ADAM2: variants seen among roughly 807,000 people sequenced by gnomAD.
ADAM2 encodes ADAM metallopeptidase domain 2.
ADAM2 carries 101 observed loss-of-function variants against 99.3 expected under a neutral mutation model. That is an observed-to-expected ratio of 1.02 (90% confidence interval 0.87 to 1.20). The LOEUF (loss-of-function observed/expected upper bound fraction) is 1.20, where lower values mean the gene tolerates loss of function less well. Ranked by LOEUF, ADAM2 falls within the 50% of genes most tolerant of loss-of-function variation. The pLI is 0.00. For missense variants in ADAM2, 948 were observed against 878.7 expected, an observed-to-expected ratio of 1.08 and a Z score of -1.00; for synonymous variants, 323 against 287.6, an observed-to-expected ratio of 1.12 and a Z score of -1.25.
chr8:39,746,665 A>G (rs1035209294), intron 18 of ADAM2, 34 bp from the exon 19 acceptor site: 3 of 1,512,314 alleles, frequency 2.0e-6, no homozygotes, highest in African/African-American at 2.9e-5. Context: ...TTTGAAAGCA[A>G]GCACCAGAAA....
chr8:39,797,605 G>A (rs530130521), intron 7 of ADAM2, among the ~76,000 whole-genome samples: 4 of 152,286 alleles, frequency 2.6e-5, no homozygotes, highest in South Asian at 4.1e-4. Flanking sequence ...GTAGTTTTAT[G>A]TGAATAGTAT....
At chr8:39,817,434 A>G (rs754645296) in intron 6 of ADAM2, among the ~76,000 whole-genome samples, 7 of 152,160 alleles carry the variant, frequency 4.6e-5, no homozygotes, top group Non-Finnish European at 1.0e-4. Context: ...CCATAGGGTG[A>G]CTATAGTTAA....
intron 16 of ADAM2, among the ~76,000 whole-genome samples, chr8:39,751,669 A>G (rs911139542): frequency 6.6e-6 from 1 of 152,184 alleles, no homozygotes; most frequent in African/African-American, 2.4e-5. Flanking sequence ...CATAAAAAAA[A>G]CAATTCTTTT....
intron 6 of ADAM2, among the ~76,000 whole-genome samples, chr8:39,819,325 TA>T (rs556996153): frequency 8.5e-5 from 13 of 152,210 alleles, no homozygotes; most frequent in South Asian, 4.1e-4. Context: ...GATATTGATA[TA>T]AAAAAATTTG....
In ADAM2 at chr8:39,773,021, CAAAG is replaced by C. The variant is rs559088936; in HGVS notation, c.1029-3450_1029-3447del. ...GGAATCAATTTGAAAAAATGAAAAA[CAAAG>C]AAAGACAAAACTAAACACAATTATT... On this transcript the variant is annotated intron_variant, in intron 11 of 20. Transcript: ENST00000265708. Among the ~76,000 whole-genome samples, 750 of 151,686 alleles carry C rather than the reference CAAAG, an allele frequency of 4.9e-3. 3 individuals carry two copies. The highest frequency in any genetic ancestry group is 0.017 in the African/African-American group (715 of 41,466).
intron 7 of ADAM2, among the ~76,000 whole-genome samples, chr8:39,804,248 A>G (rs982539591): frequency 1.3e-5 from 2 of 152,124 alleles, no homozygotes; most frequent in African/African-American, 4.8e-5. Flanking sequence ...AAATTATTTG[A>G]TGACTTGGAT....
intron 15 of ADAM2, among the ~76,000 whole-genome samples, chr8:39,756,264 C>A (rs987288468): frequency 6.6e-6 from 1 of 152,086 alleles, no homozygotes; most frequent in Non-Finnish European, 1.5e-5. Flanking sequence ...CAAACCCAAG[C>A]TCAAATGAAT....
intron 6 of ADAM2, among the ~76,000 whole-genome samples, 156 bp from the exon 7 acceptor site, chr8:39,809,622 A>T (rs1172522442): frequency 6.6e-6 from 1 of 152,142 alleles, no homozygotes; most frequent in African/African-American, 2.4e-5. Context: ...TCATAAAATC[A>T]TTTTCATCTA....
intron 10 of ADAM2, among the ~76,000 whole-genome samples, chr8:39,785,796 T>TAAAAAAAAAAAA (rs58429092): frequency 8.2e-6 from 1 of 122,498 alleles, no homozygotes. Flanking sequence ...CTGTCTCAAA[T>TAAAAAAAAAAAA]AAAAAAAAAA....
intron 6 of ADAM2, among the ~76,000 whole-genome samples, chr8:39,809,990 A>T (rs1804626204): frequency 6.6e-6 from 1 of 152,230 alleles, no homozygotes; most frequent in South Asian, 2.1e-4. Context: ...AGACTGGAAA[A>T]ATTGGATAAA....
At position 39,749,376 on chromosome 8, in the gene ADAM2, T is replaced by C; in HGVS notation, c.1950A>G (p.Leu650=). 4 of 1,613,538 alleles carry C rather than the reference T, an allele frequency of 2.5e-6. No homozygotes were observed. The highest frequency in any genetic ancestry group is 1.7e-5 in the Admixed American group (1 of 59,960). Residue 650 remains leucine (L), a synonymous_variant, in exon 18 of 21, where the codon CTA becomes CTG. Transcript: ENST00000265708. ...CACTGTCAATACTCCCACCAGGCCA[T>C]AGATCTGATTGAACTGAGCAATCTG... The part of the protein sequence containing the change: ...LPPDCSVQSD[L]WPGGSIDSGN...
chr8:39,787,854 G>T (rs1803539599), intron 9 of ADAM2, among the ~76,000 whole-genome samples: 1 of 151,496 alleles, frequency 6.6e-6, no homozygotes, highest in African/African-American at 2.4e-5. Context: ...ATATACCCTA[G>T]GGAAAGAAGT....
chr8:39,833,472 A>G (rs1015491098), intron 3 of ADAM2, among the ~76,000 whole-genome samples: 3 of 152,046 alleles, frequency 2.0e-5, no homozygotes, highest in African/African-American at 2.4e-5. Context: ...CCCCAAATTC[A>G]TCAACTGGCC....
chr8:39,765,154 G>A (rs1802521833), intron 14 of ADAM2, among the ~76,000 whole-genome samples: 1 of 152,156 alleles, frequency 6.6e-6, no homozygotes, highest in Admixed American at 6.5e-5. Flanking sequence ...TCCTGAACAA[G>A]CAGGAAGTGA....
Position 39,777,118 on chromosome 8 carries a change from G to A in ADAM2, c.935C>T (p.Ala312Val), listed in dbSNP as rs1434205674. 6.2e-7 allele frequency: 1 copy of A among 1,610,624 alleles called. No homozygotes were observed. Among genetic ancestry groups the A allele is most frequent in the African/African-American group, 1.3e-5 (1 of 74,760 alleles). Residue 312 changes from alanine to valine, a missense_variant, in exon 11 of 21, where the codon GCT (alanine) becomes GTT (valine). Coordinates refer to ENST00000265708, the MANE Select transcript of ADAM2 (RefSeq NM_001464.5). Reference protein sequence around the residue: ...ISLESLAVILAQLLSLSMGIT... With the variant: ...ISLESLAVILVQLLSLSMGIT... ...CCCCATACTAAGGCTCAATAATTGA[G>A]CTAAAATAACTGCAAGTGATTCCAG...
intron 10 of ADAM2, among the ~76,000 whole-genome samples, chr8:39,784,608 G>A (rs766483429): frequency 1.1e-4 from 17 of 152,142 alleles, no homozygotes; most frequent in Non-Finnish European, 1.9e-4. Flanking sequence ...CCGCCCTGTA[G>A]AGAAAATCAG....
Position 39,806,422 on chromosome 8 carries a change from T to C in ADAM2, c.570+2988A>G, listed in dbSNP as rs1462938720. Among the ~76,000 whole-genome samples the C allele has an allele frequency of 6.0e-5, 9 of 150,572 alleles. No individual in the cohort carries two copies. The East Asian group carries it at 1.4e-3, about 23-fold the overall frequency. ...TTCAGAATTGCCCAACTATATTATATTAAAAATGTCCCGTTTTCAACAAAG... is the reference window on the plus strand; with the variant it reads ...TTCAGAATTGCCCAACTATATTATACTAAAAATGTCCCGTTTTCAACAAAG... On this transcript the variant is annotated intron_variant, in intron 7 of 20. Transcript: ENST00000265708.
At chr8:39,763,897 A>G (rs1321503411) in intron 14 of ADAM2, among the ~76,000 whole-genome samples, 1 of 152,224 alleles carries the variant, frequency 6.6e-6, no homozygotes, top group African/African-American at 2.4e-5. Context: ...CTCACTGGAA[A>G]TTTTAAAGGA....
At position 39,792,231 on chromosome 8, in the gene ADAM2, A is replaced by G. The variant is rs183814346; in HGVS notation, c.571-3491T>C. ...GTTCCTGGAAGCTGTAAATATTTAC[A>G]AAAAAAAATGGCAAAACCTTACTAA... On this transcript the variant is annotated intron_variant, in intron 7 of 20. Coordinates refer to ENST00000265708, the MANE Select transcript of ADAM2 (RefSeq NM_001464.5). Among the ~76,000 whole-genome samples, 23 of 148,914 alleles carry G rather than the reference A, an allele frequency of 1.5e-4. No homozygotes were observed. The East Asian group carries it at 4.3e-3, about 28-fold the overall frequency.
Sources: allele counts gnomAD v4.1 joint callset (sites outside exome capture counted in the v4.1 genomes callset), GRCh38; gene constraint gnomAD v4.1.1; transcripts MANE v1.5; gene names NCBI Gene and HGNC (gene_info 2026-07-23, HGNC 2026-07-21).